The following KIAA1671 variants were observed in gnomAD, a reference collection of about 807,000 sequenced individuals.
The protein encoded by KIAA1671 is uncharacterized protein KIAA1671.
In KIAA1671, 52 loss-of-function variants were observed where a neutral mutation model predicts 131.2. That is an observed-to-expected ratio of 0.40 (90% confidence interval 0.32 to 0.50). The LOEUF (loss-of-function observed/expected upper bound fraction) is 0.50, where lower values mean the gene tolerates loss of function less well. Among genes scored for constraint, KIAA1671 ranks in the 20% least tolerant of loss-of-function variants. KIAA1671 has a pLI of 0.73. For missense variants in KIAA1671, 2,360 were observed against 2,364.2 expected (o/e 1.00, Z 0.04); for synonymous variants, 1,003 against 961.6 (o/e 1.04, Z -0.80).
intron 6 of KIAA1671, among the ~76,000 whole-genome samples, chr22:25,093,742 C>CTCTCTCTCTG (rs1930169706): frequency 3.4e-5 from 4 of 118,482 alleles, no homozygotes; most frequent in South Asian, 3.0e-4. Flanking sequence ...CACACACTCT[C>CTCTCTCTCTG]TCTCTCTCTC....
chr22:25,048,384 G>A (rs1022992436), intron 5 of KIAA1671, among the ~76,000 whole-genome samples: 1 of 152,186 alleles, frequency 6.6e-6, no homozygotes, highest in African/African-American at 2.4e-5. Flanking sequence ...CTCTGCGGCT[G>A]GCCTGGGACA....
intron 5 of KIAA1671, 38 bp from the exon 6 acceptor site, chr22:25,049,192 C>T: frequency 1.3e-6 from 2 of 1,534,436 alleles, no homozygotes; most frequent in Admixed American, 4.0e-5. Flanking sequence ...AATGAGAAGG[C>T]TCCCAGTAAA....
chr22:25,109,850 G>A (rs1423611063), intron 6 of KIAA1671, among the ~76,000 whole-genome samples: 1 of 152,174 alleles, frequency 6.6e-6, no homozygotes, highest in African/African-American at 2.4e-5. Context: ...GGATGTGGTG[G>A]CTCATGCTTG....
chr22:25,090,758 CAT>C (rs1432139717), intron 6 of KIAA1671, among the ~76,000 whole-genome samples: 1 of 152,254 alleles, frequency 6.6e-6, no homozygotes, highest in Non-Finnish European at 1.5e-5. Flanking sequence ...CAGGCTCAGA[CAT>C]GTGTAGTGAC....
rs1926820622 is a variant in KIAA1671 at position 25,039,945 on chromosome 22, G to A, written c.2815G>A (p.Ala939Thr). 4 of 1,551,414 alleles carry A rather than the reference G, an allele frequency of 2.6e-6. No individual in the cohort carries two copies. In the African/African-American group the frequency reaches 4.1e-5, roughly 16 times the overall value. Residue 939 changes from alanine (A) to threonine (T), a missense_variant, in exon 5 of 13, where the codon GCC becomes ACC. This residue lies in a region of KIAA1671 where 1,161 missense variants were observed against 1,204.7 expected (regional missense o/e 0.96). Transcript: ENST00000358431. ...QPAVRMRKAG[A>T]MDQRMDRWRR... ...TGCAGTCAGAATGCGGAAAGCCGGC[G>A]CCATGGACCAGAGAATGGACAGATG...
chr22:25,039,276 T>C lies in KIAA1671; in HGVS notation c.2146T>C (p.Phe716Leu). 6.4e-7 allele frequency: 1 copy of C among 1,552,246 alleles called. No individual in the cohort carries two copies. The highest frequency in any genetic ancestry group is 2.4e-5 in the East Asian group (1 of 40,916). ...PLSENHNNNT[F>L]LKHLENPPTS... ...GTCTGAAAACCACAATAATAACACC[T>C]TCCTCAAACACTTGGAAAATCCTCC... The change falls in exon 5 of 13, where the codon TTC becomes CTC. Residue 716 changes from phenylalanine (F) to leucine (L), a missense_variant. Phe to Leu is a conservative substitution (Grantham distance 22). This residue lies in a region of KIAA1671 where 1,185 missense variants were observed against 1,126.2 expected (regional missense o/e 1.05). Coordinates refer to ENST00000358431, the MANE Select transcript of KIAA1671 (RefSeq NM_001145206.2).
rs534539833 is a variant in KIAA1671 at position 25,183,142 on chromosome 22, G to A, written c.5199+1319G>A. On this transcript the variant is annotated intron_variant, in intron 10 of 12. Coordinates refer to ENST00000358431, the MANE Select transcript of KIAA1671 (RefSeq NM_001145206.2). ...GCAACCTTGCAAAAGGTAGCTCTTC[G>A]TTCCCCTTTTATTGAAGAAGAAATG... Among the ~76,000 whole-genome samples the A allele has an allele frequency of 9.3e-4, 141 of 152,248 alleles. 1 individual carries two copies. The highest frequency in any genetic ancestry group is 3.1e-3 in the African/African-American group (130 of 41,544).
intron 12 of KIAA1671, among the ~76,000 whole-genome samples, chr22:25,191,480 G>A (rs1934671422): frequency 6.6e-6 from 1 of 152,084 alleles, no homozygotes; most frequent in Non-Finnish European, 1.5e-5. Flanking sequence ...TTTTTATAGG[G>A]GGAGTGTTTC....
intron 6 of KIAA1671, among the ~76,000 whole-genome samples, chr22:25,087,579 C>T (rs567130485): frequency 5.3e-5 from 8 of 152,166 alleles, no homozygotes; most frequent in Admixed American, 2.0e-4. Flanking sequence ...CGAGACTCCT[C>T]CATCTCAAAA....
intron 6 of KIAA1671, among the ~76,000 whole-genome samples, chr22:25,092,735 C>T (rs1161060887): frequency 1.3e-5 from 2 of 152,130 alleles, no homozygotes; most frequent in Non-Finnish European, 2.9e-5. Flanking sequence ...TACGGAGGGT[C>T]CCCAGTGTCT....
intron 1 of KIAA1671, among the ~76,000 whole-genome samples, chr22:24,964,141 C>T (rs2123802397): frequency 6.6e-6 from 1 of 152,022 alleles, no homozygotes; most frequent in East Asian, 1.9e-4. Flanking sequence ...CCAGCCTGGC[C>T]AACGTGGCAA....
At chr22:25,131,721 T>C (rs2145945523) in intron 6 of KIAA1671, among the ~76,000 whole-genome samples, 1 of 152,342 alleles carries the variant, frequency 6.6e-6, no homozygotes, top group East Asian at 1.9e-4. Context: ...CTGTGCTGTC[T>C]GAGAACAGGG....
At chr22:25,061,291 C>T (rs1928146163) in intron 6 of KIAA1671, 1 of 152,116 alleles carries the variant, frequency 6.6e-6, no homozygotes, top group Non-Finnish European at 1.5e-5. Flanking sequence ...AGAATAGGGA[C>T]ATTTTGTCAT....
intron 6 of KIAA1671, among the ~76,000 whole-genome samples, chr22:25,078,735 G>A (rs1247199682): frequency 6.6e-6 from 1 of 152,160 alleles, no homozygotes; most frequent in East Asian, 1.9e-4. Context: ...CTTTGTCTCA[G>A]CAATGTCTGT....
intron 1 of KIAA1671, among the ~76,000 whole-genome samples, chr22:25,007,654 C>T (rs569547166): frequency 5.9e-5 from 9 of 152,276 alleles, no homozygotes; most frequent in South Asian, 2.1e-4. Flanking sequence ...GTCAGTTTAT[C>T]GTTGCCATGG....
chr22:24,992,837 A>AAAAAAAAAT, intron 1 of KIAA1671, among the ~76,000 whole-genome samples: 1 of 151,378 alleles, frequency 6.6e-6, no homozygotes, highest in Non-Finnish European at 1.5e-5. Context: ...AAAAAAAAAA[A>AAAAAAAAAT]AGACAATGCC....
At chr22:24,993,490 C>G (rs546045945) in intron 1 of KIAA1671, among the ~76,000 whole-genome samples, 3 of 152,214 alleles carry the variant, frequency 2.0e-5, no homozygotes, top group Non-Finnish European at 4.4e-5. Flanking sequence ...GTAGGTCATT[C>G]AGCTGATAGG....
intron 2 of KIAA1671, among the ~76,000 whole-genome samples, chr22:25,027,621 T>C (rs1180148182): frequency 6.6e-5 from 10 of 152,228 alleles, no homozygotes; most frequent in African/African-American, 2.4e-4. Context: ...GGTTTCCTTA[T>C]CTGTGTAGCA....
Position 25,177,540 on chromosome 22 carries a change from T to C in KIAA1671, c.5074+18T>C, listed in dbSNP as rs1397720751. 1 of 1,541,790 alleles carries C rather than the reference T, an allele frequency of 6.5e-7. No homozygotes were observed. The highest frequency in any genetic ancestry group is 1.2e-5 in the South Asian group (1 of 83,612). ...CTCAACGGGTATGCCATGACTTCTC[T>C]CCTCCTCAGATAGCACATTGAACAG... On this transcript the variant is annotated intron_variant, in intron 9 of 12. Coordinates refer to ENST00000358431, the MANE Select transcript of KIAA1671 (RefSeq NM_001145206.2).
Sources: allele counts gnomAD v4.1 joint callset (sites outside exome capture counted in the v4.1 genomes callset), GRCh38; gene constraint gnomAD v4.1.1; regional missense constraint gnomAD v4.1.1; transcripts MANE v1.5; gene names NCBI Gene and HGNC (gene_info 2026-07-23, HGNC 2026-07-21).